Variants in FBXW12 observed in about 807,000 individuals in gnomAD.
FBXW12 encodes F-box/WD repeat-containing protein 12.
In FBXW12, 43 loss-of-function variants were observed where a neutral mutation model predicts 55.3. The ratio of observed to expected loss-of-function variants is 0.78; its 90% CI spans 0.61 to 1.00. FBXW12 has a LOEUF of 1.00. Among genes scored for constraint, FBXW12 ranks in the 50% least tolerant of loss-of-function variants. The probability of loss-of-function intolerance (pLI) is 0.00; values close to 1 mark genes in which losing one functional copy is unlikely to be tolerated. For synonymous variants in FBXW12, 184 were observed against 203.8 expected (o/e 0.90, Z 0.83); for missense variants, 524 against 560.5 (o/e 0.93, Z 0.66).
rs931696711 is a variant in FBXW12, at chr3:48,375,402, A to T, written c.335A>T (p.Asp112Val). ...CTCTCAGGAAATAGACTTACAGTGG[A>T]TGAACAGGAGAAATCAATCATTTGT... The part of the protein sequence containing the change: ...AYLSGNRLTV[D>V]EQEKSIICSV... The change falls in exon 5 of 11, where the codon GAT becomes GTT. Residue 112 changes from aspartate (D) to valine (V), a missense_variant. Coordinates refer to ENST00000296438, the MANE Select transcript of FBXW12 (RefSeq NM_207102.2). The T allele has an allele frequency of 1.2e-6, 2 of 1,612,718 alleles. No individual in the cohort carries two copies. The highest frequency in any genetic ancestry group is 1.7e-6 in the Non-Finnish European group (2 of 1,179,662).
chr3:48,376,102 C>T (rs2107154777), intron 5 of FBXW12, among the ~76,000 whole-genome samples: 1 of 150,874 alleles, frequency 6.6e-6, no homozygotes. Flanking sequence ...GTGCCTCAGC[C>T]TCCTGAGTAG....
intron 10 of FBXW12, among the ~76,000 whole-genome samples, chr3:48,393,034 G>A (rs1560035892): frequency 7.7e-6 from 1 of 130,248 alleles, no homozygotes; most frequent in Non-Finnish European, 1.6e-5. Flanking sequence ...TCACTCTCTT[G>A]TCCAGGCTGG....
chr3:48,380,638 T>G (rs1210710547), intron 7 of FBXW12, 64 bp from the exon 8 acceptor site: 6 of 1,182,236 alleles, frequency 5.1e-6, no homozygotes, highest in African/African-American at 1.5e-5. Context: ...TCTTCTGGAG[T>G]CACTCCTGTA....
chr3:48,378,502 T>G lies in FBXW12; in HGVS notation c.591T>G (p.Leu197=), dbSNP rs767638968. The G allele has an allele frequency of 1.2e-6, 2 of 1,614,026 alleles. No individual in the cohort carries two copies. The highest frequency in any genetic ancestry group is 2.2e-5 in the South Asian group (2 of 91,042). The part of the protein sequence containing the change: ...PQPCYCMEAY[L]TKDGPFLMVG... ...CCTGTTATTGCATGGAAGCCTATCT[T>G]ACAAAGGATGGCCCATTCCTGATGG... is the stretch of plus-strand genomic sequence containing the variant. The change falls in exon 6 of 11, where the codon CTT becomes CTG. Residue 197 remains leucine, a synonymous_variant. Coordinates refer to ENST00000296438, the MANE Select transcript of FBXW12 (RefSeq NM_207102.2).
chr3:48,379,768 G>A (rs7634377), intron 7 of FBXW12: 213,974 of 509,760 alleles, frequency 0.42, 46,004 homozygotes, highest in Non-Finnish European at 0.46. Context: ...ACAAAAACTC[G>A]TTCATGAAGC....
At position 48,381,982 on chromosome 3, in the gene FBXW12, G is replaced by A. The variant is rs140417083; in HGVS notation, c.1192G>A (p.Glu398Lys). The A allele has an allele frequency of 4.6e-4, 739 of 1,614,118 alleles. 1 individual carries two copies. Among genetic ancestry groups the A allele is most frequent in the South Asian group, 2.0e-3 (182 of 91,084 alleles). ...TCCTTGCTATGTGCTCACCACATCCGAGAACTCTGTGCACGTGTACATGTG... is the reference window on the plus strand; with the variant it reads ...TCCTTGCTATGTGCTCACCACATCCAAGAACTCTGTGCACGTGTACATGTG... The part of the protein sequence containing the change: ...VDPCYVLTTS[E>K]NSVHVYMWEE... Residue 398 changes from glutamate to lysine, a missense_variant, in exon 10 of 11, where the codon GAG (glutamate) becomes AAG (lysine). Glu to Lys is a moderately conservative substitution (Grantham distance 56). Coordinates refer to ENST00000296438, the MANE Select transcript of FBXW12 (RefSeq NM_207102.2).
chr3:48,378,453 T>C lies in FBXW12; in HGVS notation c.542T>C (p.Leu181Pro), dbSNP rs1183670042. ...TGGAACTGTCAGGACAGGGACGCTC[T>C]GGCTGTTCTCCCCATGCCACAGCCC... ...KVWNCQDRDALAVLPMPQPCY... is the reference protein window; with the variant it reads ...KVWNCQDRDAPAVLPMPQPCY... The change falls in exon 6 of 11, where the codon CTG becomes CCG. Residue 181 changes from leucine (L) to proline (P), a missense_variant. By Grantham distance (98) the Leu-to-Pro change is moderately conservative (BLOSUM62 -3). Transcript: ENST00000296438. 3 of 1,614,028 alleles carry C rather than the reference T, an allele frequency of 1.9e-6. No homozygotes were observed. The highest frequency in any genetic ancestry group is 2.5e-6 in the Non-Finnish European group (3 of 1,180,032).
chr3:48,376,907 A>C (rs1405253333), intron 5 of FBXW12, among the ~76,000 whole-genome samples: 1 of 152,180 alleles, frequency 6.6e-6, no homozygotes, highest in Non-Finnish European at 1.5e-5. Context: ...TTTCTGAATA[A>C]CAGTGACTAT....
In FBXW12 at chr3:48,381,767, T is replaced by C. The variant is rs769334080; in HGVS notation, c.1053T>C (p.Asp351=). The C allele has an allele frequency of 3.7e-6, 6 of 1,611,070 alleles. No homozygotes were observed. Among genetic ancestry groups the C allele is most frequent in the Middle Eastern group, 1.6e-4 (1 of 6,066 alleles). Residue 351 remains aspartate, a synonymous_variant, in exon 9 of 11, where the codon GAT becomes GAC. Coordinates refer to ENST00000296438, the MANE Select transcript of FBXW12 (RefSeq NM_207102.2). ...GCCCTATCTGGATGGGAGCCAGTGATGGATATATGATTGTCTTTACCAGTG... is the reference window on the plus strand; with the variant it reads ...GCCCTATCTGGATGGGAGCCAGTGACGGATATATGATTGTCTTTACCAGTG... ...LKCPIWMGAS[D]GYMIVFTSGP...
Position 48,378,512 on chromosome 3 carries a change from G to T in FBXW12, c.601G>T (p.Gly201Cys). ...CATGGAAGCCTATCTTACAAAGGAT[G>T]GCCCATTCCTGATGGTAAGTGAGCC... Reference protein sequence around the residue: ...YCMEAYLTKDGPFLMVGDAAG... With the variant: ...YCMEAYLTKDCPFLMVGDAAG... Residue 201 changes from glycine (G) to cysteine (C), a missense_variant, in exon 6 of 11, where the codon GGC becomes TGC. Physicochemically the swap from Gly to Cys is radical, Grantham distance 159. Transcript: ENST00000296438. 5 of 1,613,794 alleles carry T rather than the reference G, an allele frequency of 3.1e-6. No homozygotes were observed. In the South Asian group the frequency reaches 5.5e-5, roughly 18 times the overall value.
At position 48,372,239 on chromosome 3, in the gene FBXW12, AG is replaced by A; in HGVS notation, c.-165del. The A allele has an allele frequency of 3.9e-6, 6 of 1,550,856 alleles. No homozygotes were observed. Among genetic ancestry groups the A allele is most frequent in the Non-Finnish European group, 1.7e-6 (2 of 1,146,182 alleles). ...GCACGTTCTTTCTCCTCCACTGCAA[AG>A]TTAAATGCGAGAAGGTAGAAACCCA... On this transcript the variant is annotated 5_prime_UTR_variant, in exon 1 of 11. Coordinates refer to ENST00000296438, the MANE Select transcript of FBXW12 (RefSeq NM_207102.2).
rs2107163339 is a variant in FBXW12, at chr3:48,381,790, G to A, written c.1076G>A (p.Ser359Asn). The A allele has an allele frequency of 1.2e-6, 2 of 1,612,796 alleles. No individual in the cohort carries two copies. Among genetic ancestry groups the A allele is most frequent in the Non-Finnish European group, 1.7e-6 (2 of 1,179,136 alleles). Residue 359 changes from serine (S) to asparagine (N), a missense_variant, in exon 9 of 11, where the codon AGT (serine) becomes AAT (asparagine). Transcript: ENST00000296438. Reference sequence around the variant, plus strand: ...GATGGATATATGATTGTCTTTACCAGTGGACCATACTTGTTACTCTTCAGC... The same window carrying A: ...GATGGATATATGATTGTCTTTACCAATGGACCATACTTGTTACTCTTCAGC... ...ASDGYMIVFT[S>N]GPYLLLFSIT...
At position 48,381,858 on chromosome 3, in the gene FBXW12, G is replaced by A. The variant is rs369003679; in HGVS notation, c.1144G>A (p.Ala382Thr). 1.2e-6 allele frequency: 2 copies of A among 1,607,742 alleles called. No individual in the cohort carries two copies. The highest frequency in any genetic ancestry group is 8.5e-7 in the Non-Finnish European group (1 of 1,175,648). The change falls in exon 9 of 11, where the codon GCC becomes ACC. Residue 382 changes from alanine (A) to threonine (T), a missense_variant. Physicochemically the swap from Ala to Thr is moderately conservative, Grantham distance 58. Transcript: ENST00000296438. ...LLQRFEDHQA[A>T]INNFWVDPCY... ...GCAACGATTTGAGGACCATCAGGCA[G>A]CCATCAACAACTTCTGGGTGGTATG...
chr3:48,375,763 C>G (rs1326444014), intron 5 of FBXW12, among the ~76,000 whole-genome samples: 1 of 152,096 alleles, frequency 6.6e-6, no homozygotes, highest in East Asian at 1.9e-4. Flanking sequence ...CAAGCTCCGC[C>G]TCCAGGGTTC....
At chr3:48,375,621 T>C in intron 5 of FBXW12, 149 bp downstream of exon 5, 1 of 601,264 alleles carries the variant, frequency 1.7e-6, no homozygotes, top group Non-Finnish European at 2.9e-6. Context: ...ATTTGTGACC[T>C]TTTCATTTGG....
chr3:48,390,367 G>GT (rs1348946645), intron 10 of FBXW12, among the ~76,000 whole-genome samples: 1 of 112,050 alleles, frequency 8.9e-6, no homozygotes, highest in Non-Finnish European at 1.9e-5. Flanking sequence ...AGCATGAAAT[G>GT]TTTTTGCATT....
intron 8 of FBXW12, among the ~76,000 whole-genome samples, chr3:48,381,462 C>T (rs2107162749): frequency 6.6e-6 from 1 of 152,208 alleles, no homozygotes; most frequent in Non-Finnish European, 1.5e-5. Flanking sequence ...GTTCCAATGC[C>T]CAGGGGATTG....
intron 5 of FBXW12, among the ~76,000 whole-genome samples, chr3:48,376,084 C>T (rs1222754610): frequency 6.9e-6 from 1 of 143,888 alleles, no homozygotes; most frequent in Non-Finnish European, 1.5e-5. Context: ...CGAGTTCAAG[C>T]GATTCTCGTG....
At chr3:48,373,749 C>A in intron 4 of FBXW12, 44 bp downstream of exon 4, 1 of 1,542,214 alleles carries the variant, frequency 6.5e-7, no homozygotes, top group South Asian at 1.2e-5. Context: ...AGCTTGTTTT[C>A]AGAGGTCCAC....
Sources: gnomAD v4.1 joint callset for allele counts (sites outside exome capture counted in the v4.1 genomes callset) on GRCh38, gnomAD v4.1.1 for gene constraint, MANE v1.5 for transcripts, NCBI Gene and HGNC (gene_info 2026-07-23, HGNC 2026-07-21) for gene names.